Variants in DMTN observed in about 807,000 individuals in gnomAD.
DMTN encodes the protein dematin.
Under a neutral mutation model 59.4 loss-of-function variants are expected in DMTN, and 27 were observed. The observed-to-expected ratio is 0.45, with a 90% confidence interval of 0.33 to 0.63. DMTN has a LOEUF of 0.63. Among genes scored for constraint, DMTN ranks in the 20% least tolerant of loss-of-function variants. The probability of loss-of-function intolerance (pLI) is 0.02; values close to 1 mark genes in which losing one functional copy is unlikely to be tolerated. For synonymous variants in DMTN, 221 were observed against 203.7 expected, an observed-to-expected ratio of 1.08 and a Z score of -0.72; for missense variants, 451 against 528.9, an observed-to-expected ratio of 0.85 and a Z score of 1.45.
chr8:22,061,749 A>ATTT lies in DMTN; in HGVS notation c.-172+4632_-172+4634dup, dbSNP rs1175743497. ...AGATCTGCAGAGAACCTTAATTCTC[A>ATTT]TTTTTTTTTTTTTTTTTTTTTGGAG... is the stretch of plus-strand genomic sequence containing the variant. On this transcript the variant is annotated intron_variant, in intron 1 of 15. Transcript: ENST00000358242. 1.2e-3 allele frequency among the ~76,000 whole-genome samples: 146 copies of ATTT among 119,728 alleles called. 1 individual carries two copies. The highest frequency in any genetic ancestry group is 4.8e-3 in the African/African-American group (141 of 29,082). The allele number at this position is 119,728 out of a possible 152,430, so 78.5% of individuals were successfully genotyped here. A position where few individuals can be genotyped will look rare whatever the true frequency, so the allele number is the denominator to read the frequency against.
chr8:22,078,798 G>GTTTTTGT lies in DMTN; in HGVS notation c.836-1377_836-1376insGTTTTTT, dbSNP rs1554561324. Among the ~76,000 whole-genome samples, 29 of 85,090 alleles carry GTTTTTGT rather than the reference G, an allele frequency of 3.4e-4. No individual in the cohort carries two copies. The Middle Eastern group carries it at 0.041, about 119-fold the overall frequency. The allele number at this position is 85,090 out of a possible 152,430, so 55.8% of individuals were successfully genotyped here. ...TCTTTCTGTAGTATAATGTCAGACTGTTTTTTTTTTTTTTTTGAGATGGAG... is the reference window on the plus strand; with the variant it reads ...TCTTTCTGTAGTATAATGTCAGACTGTTTTTGTTTTTTTTTTTTTTTTTGAGATGGAG... On this transcript the variant is annotated intron_variant, in intron 10 of 15. Transcript: ENST00000358242.
chr8:22,081,253 G>A (rs1824099833), intron 15 of DMTN, 60 bp downstream of exon 15: 1 of 1,607,950 alleles, frequency 6.2e-7, no homozygotes, highest in African/African-American at 1.3e-5. Context: ...CTCCTGCCTG[G>A]GGGAAGATCT....
chr8:22,072,631 A>ATTTTTTTTTTTTTTT (rs61068593), intron 9 of DMTN, among the ~76,000 whole-genome samples, 181 bp downstream of exon 9: 1 of 130,798 alleles, frequency 7.6e-6, no homozygotes, highest in Non-Finnish European at 1.6e-5. Flanking sequence ...CGCCCAGCTA[A>ATTTTTTTTTTTTTTT]TTTTTTTTTT....
intron 1 of DMTN, among the ~76,000 whole-genome samples, chr8:22,066,108 T>C (rs1179375469): frequency 6.6e-6 from 1 of 152,148 alleles, no homozygotes; most frequent in Non-Finnish European, 1.5e-5. Context: ...CCTCGCAAAG[T>C]GCTGGGATTG....
chr8:22,061,661 C>T (rs1445707342), intron 1 of DMTN, among the ~76,000 whole-genome samples: 1 of 152,168 alleles, frequency 6.6e-6, no homozygotes, highest in Non-Finnish European at 1.5e-5. Context: ...CCTCCTGCCC[C>T]TCTCTGTGTG....
chr8:22,065,253 C>G (rs912378151), intron 1 of DMTN, among the ~76,000 whole-genome samples: 2 of 152,150 alleles, frequency 1.3e-5, no homozygotes, highest in African/African-American at 2.4e-5. Flanking sequence ...GGGCTGGCCT[C>G]GAACTCCTGA....
intron 3 of DMTN, 24 bp from the exon 4 acceptor site, chr8:22,067,503 T>C: frequency 6.2e-7 from 1 of 1,613,552 alleles, no homozygotes; most frequent in African/African-American, 1.3e-5. Flanking sequence ...GGCACAGCAG[T>C]TTCACGCGCA....
chr8:22,071,927 TC>T (rs938776620), intron 8 of DMTN, among the ~76,000 whole-genome samples: 2 of 152,088 alleles, frequency 1.3e-5, no homozygotes, highest in African/African-American at 4.8e-5. Context: ...AGGATCTCAC[TC>T]TGTTGCCCAG....
In DMTN at chr8:22,070,110, G is replaced by T. The variant is rs147516712; in HGVS notation, c.452-72G>T. ...ACCTGCAGGACCTCACAGGTGTGAG[G>T]GGGGAGGGGTGAAGGTAGCCAAGTT... is the stretch of plus-strand genomic sequence containing the variant. On this transcript the variant is annotated intron_variant, in intron 7 of 15. Transcript: ENST00000358242. The T allele has an allele frequency of 2.1e-3, 3,265 of 1,555,294 alleles. 92 individuals are homozygous for T. The Admixed American group carries it at 0.043, about 20-fold the overall frequency.
intron 10 of DMTN, among the ~76,000 whole-genome samples, chr8:22,079,769 A>T (rs539868365): frequency 0.024 from 3,512 of 149,036 alleles, 78 homozygotes; most frequent in African/African-American, 0.057. Context: ...CAAAAAAAAA[A>T]TTTTTTTTTT....
At chr8:22,049,116 C>G (rs1386797216), upstream of DMTN, 1 of 149,514 alleles carries the variant, frequency 6.7e-6, no homozygotes, top group African/African-American at 2.4e-5. Flanking sequence ...GCCCCGGGCC[C>G]CAGGCCCCAG....
chr8:22,081,152 C>A lies in DMTN; in HGVS notation c.1063C>A (p.Arg355=), dbSNP rs141356313. 31 of 1,590,716 alleles carry A rather than the reference C, an allele frequency of 1.9e-5. No individual in the cohort carries two copies. The African/African-American group carries it at 4.0e-4, about 20-fold the overall frequency. The change falls in exon 15 of 16, where the codon CGA becomes AGA. Residue 355 remains arginine, a synonymous_variant. Transcript: ENST00000358242. ...YEMLVVTNKG[R]TKLPPGVDRM... is the part of the protein sequence containing the mutation. ...AATGCTAGTGGTGACCAACAAGGGG[C>A]GAACCAAGCTGCCACCGGGGGTGGA...
intron 14 of DMTN, 91 bp downstream of exon 14, chr8:22,080,961 T>C: frequency 1.3e-6 from 2 of 1,498,076 alleles, no homozygotes; most frequent in Non-Finnish European, 1.8e-6. Context: ...CTTCCTGGTG[T>C]TGAAGATGGG....
At position 22,080,416 on chromosome 8, in the gene DMTN, A is replaced by G. The variant is rs570971383; in HGVS notation, c.905A>G (p.Gln302Arg). The G allele has an allele frequency of 6.2e-7, 1 of 1,614,262 alleles. No homozygotes were observed. The highest frequency in any genetic ancestry group is 1.7e-5 in the Admixed American group (1 of 60,030). Residue 302 changes from glutamine to arginine, a missense_variant, in exon 12 of 16, where the codon CAG becomes CGG. Gln to Arg is a conservative substitution (Grantham distance 43). Coordinates refer to ENST00000358242, the MANE Select transcript of DMTN (RefSeq NM_001387751.1). ...AYGRTTLSRL[Q>R]STEFSPSGSE... ...ATTCCTTTGTGTCCTTTCTAGCTACAGTCCACAGAGTTCAGCCCATCAGGG... is the reference window on the plus strand; with the variant it reads ...ATTCCTTTGTGTCCTTTCTAGCTACGGTCCACAGAGTTCAGCCCATCAGGG...
intron 2 of DMTN, 83 bp from the exon 3 acceptor site, chr8:22,067,002 G>A (rs1351198765): frequency 1.5e-6 from 2 of 1,304,360 alleles, no homozygotes; most frequent in Non-Finnish European, 2.0e-6. Flanking sequence ...GCAGCGCCCC[G>A]GGTCCCCCAG....
upstream of DMTN, chr8:22,055,016 C>A (rs28688820): frequency 0.087 from 13,318 of 152,768 alleles, 2,000 homozygotes; most frequent in African/African-American, 0.3. Flanking sequence ...AGGTACCGAG[C>A]ACCCTCCCCT....
At chr8:22,071,431 A>G (rs1167011954) in intron 8 of DMTN, among the ~76,000 whole-genome samples, 2 of 150,194 alleles carry the variant, frequency 1.3e-5, no homozygotes, top group East Asian at 2.0e-4. Context: ...GTCTTGCTCT[A>G]TTGCCCAGGC....
At chr8:22,062,422 T>C (rs968097214) in intron 1 of DMTN, among the ~76,000 whole-genome samples, 3 of 152,100 alleles carry the variant, frequency 2.0e-5, no homozygotes, top group African/African-American at 7.2e-5. Context: ...GAGCCTTTCT[T>C]CCCAAAGCCA....
upstream of DMTN, among the ~76,000 whole-genome samples, chr8:22,049,707 C>A (rs1271443059): frequency 1.3e-5 from 2 of 152,044 alleles, no homozygotes; most frequent in African/African-American, 4.8e-5. Flanking sequence ...GTCCCCCAGC[C>A]TCAGTTTCCC....
Sources: allele counts gnomAD v4.1 joint callset (sites outside exome capture counted in the v4.1 genomes callset), GRCh38; gene constraint gnomAD v4.1.1; transcripts MANE v1.5; gene names NCBI Gene and HGNC (gene_info 2026-07-23, HGNC 2026-07-21).